The following GSN variants were observed in gnomAD, a reference collection of about 807,000 sequenced individuals.
GSN encodes actin-depolymerizing factor.
In GSN, 56 loss-of-function variants were observed where a neutral mutation model predicts 85.7. The ratio of observed to expected loss-of-function variants is 0.65; its 90% confidence interval spans 0.53 to 0.82. The LOEUF (loss-of-function observed/expected upper bound fraction) is 0.82, where lower values mean the gene tolerates loss of function less well. Among genes scored for constraint, GSN ranks in the 40% least tolerant of loss-of-function variants. The pLI, the probability that GSN is intolerant of heterozygous loss-of-function variation, is 0.00. For missense variants in GSN, 857 were observed against 979.8 expected (o/e 0.87, Z 1.67); for synonymous variants, 373 against 399.1 (o/e 0.93, Z 0.78).
intron 2 of GSN, chr9:121,286,836 A>G: frequency 8.1e-7 from 1 of 1,236,394 alleles, no homozygotes. Flanking sequence ...CTGAATTCCT[A>G]ATGGTGTAAC....
chr9:121,308,183 A>T (rs1288369323), intron 4 of GSN, among the ~76,000 whole-genome samples: 2 of 152,226 alleles, frequency 1.3e-5, no homozygotes, highest in Non-Finnish European at 2.9e-5. Flanking sequence ...CAGGGTGGAA[A>T]GATAGGTTGT....
chr9:121,282,496 A>G, intron 2 of GSN: 1 of 1,258,064 alleles, frequency 7.9e-7, no homozygotes. Context: ...GCTGGCTTCC[A>G]GATGGTGACA....
At chr9:121,317,037 G>T in intron 7 of GSN, 49 bp from the exon 8 acceptor site, 1 of 1,612,946 alleles carries the variant, frequency 6.2e-7, no homozygotes, top group Non-Finnish European at 8.5e-7. Context: ...CTCAGGGCTG[G>T]GCGGCCACAG....
chr9:121,240,665 G>C (rs2054585907), intron 5 of GSN, among the ~76,000 whole-genome samples: 1 of 152,188 alleles, frequency 6.6e-6, no homozygotes, highest in Admixed American at 6.5e-5. Context: ...GGGATCAAGT[G>C]ACGGACAATC....
intron 1 of GSN, among the ~76,000 whole-genome samples, 179 bp downstream of exon 1, chr9:121,268,398 A>T (rs1484625694): frequency 6.6e-6 from 1 of 152,074 alleles, no homozygotes; most frequent in Non-Finnish European, 1.5e-5. Context: ...GGGACCAAAG[A>T]GTGTGGATGG....
rs58231680 is a variant in GSN, at chr9:121,251,187, C to CTTTTTTTTTTTTTTTTTTTTTTTTT, written c.-341+2877_-341+2878insTTTTTTTTTTTTTTTTTTTTTTTTT. On this transcript the variant is annotated intron_variant, in intron 6 of 24. Transcript: ENST00000373823. ...ATAACATACCTACAGCTGATGTGTTCTTTTTTTTTTTTTGAGATGGATTCT... is the reference window on the plus strand; with the variant it reads ...ATAACATACCTACAGCTGATGTGTTCTTTTTTTTTTTTTTTTTTTTTTTTTTTTTTTTTTTTTTGAGATGGATTCT... Among the ~76,000 whole-genome samples the CTTTTTTTTTTTTTTTTTTTTTTTTT allele has an allele frequency of 2.1e-4, 15 of 73,032 alleles. 5 individuals carry two copies. The highest frequency in any genetic ancestry group is 8.7e-4 in the East Asian group (2 of 2,304). 47.9% of individuals were successfully genotyped at this position (73,032 alleles called of 152,430 possible).
chr9:121,260,894 A>G (rs1218758787), intron 6 of GSN, among the ~76,000 whole-genome samples: 1 of 152,192 alleles, frequency 6.6e-6, no homozygotes, highest in Non-Finnish European at 1.5e-5. Flanking sequence ...GAAGGGGAGG[A>G]GGAGAAAGGA....
chr9:121,250,483 G>A (rs2054799065), intron 6 of GSN, among the ~76,000 whole-genome samples: 1 of 151,244 alleles, frequency 6.6e-6, no homozygotes, highest in South Asian at 2.1e-4. Flanking sequence ...GATTACAGGC[G>A]TGAGCCACGG....
rs143285592 is a variant in GSN at position 121,332,464 on chromosome 9, A to G, written c.2057A>G (p.Asn686Ser). 2.8e-5 allele frequency: 45 copies of G among 1,614,182 alleles called. No individual in the cohort carries two copies. The highest frequency in any genetic ancestry group is 3.3e-5 in the Admixed American group (2 of 60,030). ...CGGTACATCGAGACGGACCCAGCCA[A>G]TCGGGATCGGCGGACGCCCATCACC... ...AKRYIETDPA[N>S]RDRRTPITVV... is the part of the protein sequence containing the mutation. The change falls in exon 18 of 18, where the codon AAT (asparagine) becomes AGT (serine). Residue 686 changes from asparagine to serine, a missense_variant. Physicochemically the swap from Asn to Ser is conservative, Grantham distance 46. Transcript: ENST00000432226. The surrounding 1 kb of genome is among the most constrained non-coding windows in gnomAD (Gnocchi z 4.8).
At chr9:121,279,725 G>A (rs1177075158) in intron 1 of GSN, 1 of 152,314 alleles carries the variant, frequency 6.6e-6, no homozygotes, top group African/African-American at 2.4e-5. Context: ...ATGTGCATCT[G>A]AGGATGAGAG....
intron 17 of GSN, 172 bp downstream of exon 17, chr9:121,331,620 G>T: frequency 1.7e-6 from 1 of 604,742 alleles, no homozygotes; most frequent in East Asian, 2.8e-5. Flanking sequence ...GCCTGGGATA[G>T]TGAAGAACAC....
At chr9:121,326,277 C>T (rs907435052) in intron 12 of GSN, among the ~76,000 whole-genome samples, 3 of 151,942 alleles carry the variant, frequency 2.0e-5, no homozygotes, top group Admixed American at 6.6e-5. Context: ...GAAGGCATGT[C>T]GTCATGGAGA....
chr9:121,328,122 A>G (rs1486881877), intron 14 of GSN, among the ~76,000 whole-genome samples: 3 of 152,188 alleles, frequency 2.0e-5, no homozygotes, highest in African/African-American at 7.2e-5. Flanking sequence ...TTGCATCTCT[A>G]GACTCTCCAT....
chr9:121,289,961 A>G (rs949984636), intron 2 of GSN, among the ~76,000 whole-genome samples: 9 of 152,120 alleles, frequency 5.9e-5, no homozygotes, highest in Non-Finnish European at 8.8e-5. Flanking sequence ...GGAGTGAGGG[A>G]GCTGATGTTA....
chr9:121,218,269 G>A (rs796982554), intron 4 of GSN, among the ~76,000 whole-genome samples: 12 of 152,316 alleles, frequency 7.9e-5, no homozygotes, highest in African/African-American at 2.9e-4. Context: ...AGGGAATTGC[G>A]ATTTTGGGTG....
At chr9:121,273,537 A>T (rs993783663) in intron 1 of GSN, among the ~76,000 whole-genome samples, 8 of 152,178 alleles carry the variant, frequency 5.3e-5, no homozygotes, top group African/African-American at 1.2e-4. Context: ...TATATATATA[A>T]AAAAGAAGTG....
chr9:121,229,649 G>A (rs2054348619), intron 4 of GSN, among the ~76,000 whole-genome samples: 1 of 152,086 alleles, frequency 6.6e-6, no homozygotes, highest in South Asian at 2.1e-4. Context: ...GTCTTTCCAG[G>A]GTGTCACACA....
intron 4 of GSN, among the ~76,000 whole-genome samples, chr9:121,230,880 T>C (rs1355320816): frequency 6.6e-6 from 1 of 152,216 alleles, no homozygotes; most frequent in East Asian, 1.9e-4. Context: ...GCCCACCCTC[T>C]GTGACCTAGG....
chr9:121,286,551 C>T, intron 2 of GSN: 2 of 1,437,282 alleles, frequency 1.4e-6, no homozygotes, highest in South Asian at 3.0e-5. Flanking sequence ...CCCAATGCCC[C>T]TCCTCCGTGG....
Sources: allele counts gnomAD v4.1 joint callset (sites outside exome capture counted in the v4.1 genomes callset), GRCh38; gene constraint gnomAD v4.1.1; non-coding constraint Gnocchi (gnomAD v3.1); transcripts MANE v1.5; gene names NCBI Gene and HGNC (gene_info 2026-07-23, HGNC 2026-07-21).